DNMBP: variants seen among roughly 807,000 people sequenced by gnomAD.
The protein encoded by DNMBP is dynamin binding protein.
Under a neutral mutation model 150.0 loss-of-function variants are expected in DNMBP, and 87 were observed. The observed-to-expected ratio is 0.58, with a 90% CI of 0.49 to 0.69. The LOEUF (loss-of-function observed/expected upper bound fraction) is 0.69, where lower values mean the gene tolerates loss of function less well. DNMBP is among the 30% of genes least tolerant of loss of function. The pLI is 0.00. For missense variants in DNMBP, 1,774 were observed against 1,949.0 expected, an observed-to-expected ratio of 0.91 and a Z score of 1.69; for synonymous variants, 711 against 750.4, an observed-to-expected ratio of 0.95 and a Z score of 0.86.
chr10:99,937,090 C>CG (rs1171114460), intron 4 of DNMBP, among the ~76,000 whole-genome samples: 2 of 151,972 alleles, frequency 1.3e-5, no homozygotes, highest in Non-Finnish European at 2.9e-5. Context: ...TCAGTAGAGA[C>CG]GGGGTTTCAC....
chr10:99,970,787 A>G (rs1044243863), intron 2 of DNMBP, among the ~76,000 whole-genome samples: 4 of 151,672 alleles, frequency 2.6e-5, no homozygotes, highest in African/African-American at 4.8e-5. Context: ...CCTGGCTAAC[A>G]TGGTGAAACC....
At chr10:99,881,903 T>C (rs964503936) in intron 15 of DNMBP, among the ~76,000 whole-genome samples, 4 of 152,222 alleles carry the variant, frequency 2.6e-5, no homozygotes, top group African/African-American at 9.6e-5. Context: ...CCACAATCCC[T>C]ACCTAAAATG....
At chr10:99,967,156 C>T (rs1289348353) in intron 3 of DNMBP, among the ~76,000 whole-genome samples, 2 of 151,886 alleles carry the variant, frequency 1.3e-5, no homozygotes, top group Non-Finnish European at 2.9e-5. Flanking sequence ...CCCAGCTACT[C>T]GGGAGACTGA....
intron 1 of DNMBP, among the ~76,000 whole-genome samples, chr10:100,009,619 G>T (rs1447227135): frequency 6.6e-6 from 1 of 152,148 alleles, no homozygotes; most frequent in Non-Finnish European, 1.5e-5. Context: ...GACTACAGGA[G>T]TGCGAGGGGG....
chr10:99,908,836 C>G, intron 5 of DNMBP, 117 bp downstream of exon 5: 1 of 941,666 alleles, frequency 1.1e-6, no homozygotes, highest in South Asian at 1.7e-5. Flanking sequence ...GCAGCACTCA[C>G]AGTCACAGTT....
chr10:99,911,241 G>T (rs751907444), intron 4 of DNMBP, among the ~76,000 whole-genome samples: 1 of 151,948 alleles, frequency 6.6e-6, no homozygotes, highest in Non-Finnish European at 1.5e-5. Context: ...CTGGCCAGGT[G>T]CAGTGGCTCA....
At chr10:99,915,148 T>TACATATATATACACATATACAC (rs1564730530) in intron 4 of DNMBP, among the ~76,000 whole-genome samples, 4 of 141,394 alleles carry the variant, frequency 2.8e-5, no homozygotes, top group African/African-American at 1.1e-4. Context: ...CACATATATA[T>TACATATATATACACATATACAC]ACATATATAT....
At chr10:99,931,386 T>A (rs990464009) in intron 4 of DNMBP, among the ~76,000 whole-genome samples, 1 of 152,192 alleles carries the variant, frequency 6.6e-6, no homozygotes, top group African/African-American at 2.4e-5. Context: ...AGTCACCAGT[T>A]AGTGTACACT....
At chr10:99,920,098 A>G (rs1334915575) in intron 4 of DNMBP, among the ~76,000 whole-genome samples, 1 of 151,160 alleles carries the variant, frequency 6.6e-6, no homozygotes, top group Non-Finnish European at 1.5e-5. Flanking sequence ...TTTTTGAGAC[A>G]GAGTTTTGCT....
intron 3 of DNMBP, among the ~76,000 whole-genome samples, chr10:99,964,507 T>G (rs948709759): frequency 3.3e-5 from 5 of 151,644 alleles, no homozygotes; most frequent in African/African-American, 1.2e-4. Context: ...GTTTTTTTTT[T>G]AGGATAGTCA....
intron 1 of DNMBP, among the ~76,000 whole-genome samples, chr10:99,982,923 A>T (rs1374496138): frequency 6.6e-6 from 1 of 151,722 alleles, no homozygotes; most frequent in Non-Finnish European, 1.5e-5. Flanking sequence ...AGCTGATCGC[A>T]CTACTGCACT....
Position 99,886,409 on chromosome 10 carries a change from T to C in DNMBP, c.3509A>G (p.Lys1170Arg), listed in dbSNP as rs1458337976. 1 of 1,614,212 alleles carries C rather than the reference T, an allele frequency of 6.2e-7. No homozygotes were observed. ...LNAQLLDELP[K>R]FHQYAQGLFT... is the part of the protein sequence containing the mutation. ...GAGGCCCTGGGCGTACTGGTGGAAC[T>C]TGGGCAGCTCATCCAGCAGCTGTGC... The change falls in exon 13 of 17, where the codon AAG becomes AGG. Residue 1170 changes from lysine (K) to arginine (R), a missense_variant. Physicochemically the swap from Lys to Arg is conservative, Grantham distance 26. Coordinates refer to ENST00000324109, the MANE Select transcript of DNMBP (RefSeq NM_015221.4).
chr10:99,915,111 ATATATAT>A (rs1564730479), intron 4 of DNMBP, among the ~76,000 whole-genome samples: 49 of 101,406 alleles, frequency 4.8e-4, no homozygotes, highest in African/African-American at 1.9e-3. Context: ...AAAAAAAAAT[ATATATAT>A]ATATATATAT....
intron 1 of DNMBP, among the ~76,000 whole-genome samples, chr10:99,999,414 G>A (rs189067132): frequency 1.4e-3 from 217 of 152,274 alleles, no homozygotes; most frequent in Non-Finnish European, 2.3e-3. Context: ...ACAATTAAAT[G>A]ACAATGCATG....
intron 4 of DNMBP, chr10:99,930,154 A>C (rs1305110177): frequency 7.1e-6 from 5 of 702,840 alleles, no homozygotes; most frequent in Non-Finnish European, 1.0e-5. Context: ...ACATGATATA[A>C]ATTGCTGTGT....
chr10:99,898,479 A>G, intron 8 of DNMBP, 194 bp from the exon 9 acceptor site: 1 of 689,040 alleles, frequency 1.5e-6, no homozygotes, highest in East Asian at 2.7e-5. Flanking sequence ...TTCAACATGT[A>G]TTCATCTAAT....
rs184955670 is a variant in DNMBP, at chr10:99,902,340, C to T, written c.2555-2274G>A. On this transcript the variant is annotated intron_variant, in intron 6 of 16. Coordinates refer to ENST00000324109, the MANE Select transcript of DNMBP (RefSeq NM_015221.4). ...TTTTTTTTTTTTTGAGATGGAGTCT[C>T]GCTGTGTCACCCAGGCTGGAGTGCA... 5.8e-3 allele frequency among the ~76,000 whole-genome samples: 616 copies of T among 106,652 alleles called. 7 individuals carry two copies. The highest frequency in any genetic ancestry group is 0.019 in the African/African-American group (553 of 28,378). The allele number at this position is 106,652 out of a possible 152,430, so 70.0% of individuals were successfully genotyped here. A position where few individuals can be genotyped will look rare whatever the true frequency, so the allele number is the denominator to read the frequency against.
At chr10:99,974,013 A>AT (rs1166156898) in intron 1 of DNMBP, among the ~76,000 whole-genome samples, 3 of 152,142 alleles carry the variant, frequency 2.0e-5, no homozygotes, top group African/African-American at 7.2e-5. Context: ...GGGAAAATCT[A>AT]TTGAATGGCT....
intron 4 of DNMBP, among the ~76,000 whole-genome samples, chr10:99,922,544 T>C: frequency 1.2e-5 from 1 of 86,916 alleles, no homozygotes; most frequent in African/African-American, 4.5e-5. Flanking sequence ...AAAAAAAAGA[T>C]CTCACTCTCT....
Sources: gnomAD v4.1 joint callset for allele counts (sites outside exome capture counted in the v4.1 genomes callset) on GRCh38, gnomAD v4.1.1 for gene constraint, MANE v1.5 for transcripts, NCBI Gene and HGNC (gene_info 2026-07-23, HGNC 2026-07-21) for gene names.